The following FAT3 variants were observed in gnomAD, a reference collection of about 807,000 sequenced individuals.
FAT3 encodes the protein protocadherin Fat 3.
FAT3 carries 95 observed loss-of-function variants against 310.2 expected under a neutral mutation model. The ratio of observed to expected loss-of-function variants is 0.31; its 90% CI spans 0.26 to 0.36. The LOEUF is 0.36. Among genes scored for constraint, FAT3 ranks in the 10% least tolerant of loss-of-function variants. FAT3 has a pLI of 1.00. For missense variants in FAT3, 5,408 were observed against 5,715.6 expected, an observed-to-expected ratio of 0.95 and a Z score of 1.74; for synonymous variants, 2,314 against 2,192.9, an observed-to-expected ratio of 1.06 and a Z score of -1.54.
chr11:92,371,144 G>T (rs910640875), intron 2 of FAT3, among the ~76,000 whole-genome samples: 2 of 152,348 alleles, frequency 1.3e-5, no homozygotes, highest in Admixed American at 1.3e-4. Context: ...CAGGCAGCAG[G>T]AGAAAGAGTT....
chr11:92,848,107 A>G (rs1948733672), intron 19 of FAT3, among the ~76,000 whole-genome samples: 1 of 152,228 alleles, frequency 6.6e-6, no homozygotes, highest in Admixed American at 6.5e-5. Context: ...GTAGTAATGT[A>G]TAGACAAATT....
At chr11:92,251,770 A>G (rs1171254265) in intron 1 of FAT3, among the ~76,000 whole-genome samples, 1 of 152,166 alleles carries the variant, frequency 6.6e-6, no homozygotes, top group Non-Finnish European at 1.5e-5. Context: ...CCAGGGGTAT[A>G]TGATGAACAA....
rs376691266 is a variant in FAT3 at position 92,274,296 on chromosome 11, G to T, written c.-18+49122G>T. On this transcript the variant is annotated intron_variant, in intron 1 of 27. Transcript: ENST00000525166. ...AACAAATAAACCCCTACTTACTACT[G>T]AAATAATACATATTGTAAACCTTCT... 3.9e-5 allele frequency among the ~76,000 whole-genome samples: 6 copies of T among 152,056 alleles called. No homozygotes were observed. In the South Asian group the frequency reaches 1.2e-3, roughly 32 times the overall value.
intron 15 of FAT3, 26 bp downstream of exon 15, chr11:92,835,110 T>G: frequency 1.3e-6 from 2 of 1,588,778 alleles, no homozygotes; most frequent in Non-Finnish European, 1.7e-6. Flanking sequence ...TGGGGATGGT[T>G]CTAGATGTTT....
intron 3 of FAT3, among the ~76,000 whole-genome samples, chr11:92,547,490 A>G (rs1336448408): frequency 1.3e-5 from 2 of 152,096 alleles, no homozygotes; most frequent in African/African-American, 4.8e-5. Context: ...AAAACTAATA[A>G]AATATGTTCT....
At chr11:92,765,544 G>A (rs565529002) in intron 6 of FAT3, among the ~76,000 whole-genome samples, 1 of 152,002 alleles carries the variant, frequency 6.6e-6, no homozygotes, top group East Asian at 1.9e-4. Flanking sequence ...ATATTCTACA[G>A]ACAGCTTGTG....
At chr11:92,746,030 C>T (rs1945655564) in intron 4 of FAT3, among the ~76,000 whole-genome samples, 1 of 152,210 alleles carries the variant, frequency 6.6e-6, no homozygotes, top group African/African-American at 2.4e-5. Flanking sequence ...TCACTGGCCC[C>T]AAGGCCTAGG....
intron 3 of FAT3, among the ~76,000 whole-genome samples, chr11:92,657,980 C>A (rs539238504): frequency 6.6e-6 from 1 of 151,940 alleles, no homozygotes; most frequent in South Asian, 2.1e-4. Flanking sequence ...TTCTACTTGC[C>A]ACATTAAAAA....
At chr11:92,525,931 T>C (rs2135366335) in intron 3 of FAT3, among the ~76,000 whole-genome samples, 1 of 152,312 alleles carries the variant, frequency 6.6e-6, no homozygotes, top group South Asian at 2.1e-4. Context: ...CTCCCATTAA[T>C]ATAATGAAAG....
chr11:92,558,325 A>G lies in FAT3; in HGVS notation c.3607+33377A>G, dbSNP rs1028414723. Among the ~76,000 whole-genome samples the G allele has an allele frequency of 3.3e-5, 5 of 151,994 alleles. No individual in the cohort carries two copies. In the South Asian group the frequency reaches 6.2e-4, roughly 19 times the overall value. On this transcript the variant is annotated intron_variant, in intron 3 of 27. Coordinates refer to ENST00000525166, the MANE Select transcript of FAT3 (RefSeq NM_001367949.2). ...AAGCTCTTGCTTAAACTAGCATTCAATTACTTTTCAAGTGGTCTCAGAAGC... is the reference window on the plus strand; with the variant it reads ...AAGCTCTTGCTTAAACTAGCATTCAGTTACTTTTCAAGTGGTCTCAGAAGC...
At chr11:92,688,815 T>G (rs977643066) in intron 3 of FAT3, among the ~76,000 whole-genome samples, 3 of 152,166 alleles carry the variant, frequency 2.0e-5, no homozygotes, top group African/African-American at 7.2e-5. Context: ...CTCAAAAAAA[T>G]GTAACCATGC....
chr11:92,377,348 T>C (rs1255885847), intron 2 of FAT3, among the ~76,000 whole-genome samples: 1 of 152,212 alleles, frequency 6.6e-6, no homozygotes, highest in African/African-American at 2.4e-5. Context: ...TTCTTAAAAA[T>C]AGAGCTGTGC....
chr11:92,303,330 A>C (rs1004747292), intron 1 of FAT3, among the ~76,000 whole-genome samples: 2 of 152,016 alleles, frequency 1.3e-5, no homozygotes, highest in African/African-American at 4.8e-5. Context: ...TTTCCCCTCT[A>C]TTGCACATGA....
chr11:92,845,381 G>A (rs1400174779), intron 19 of FAT3, among the ~76,000 whole-genome samples: 1 of 152,180 alleles, frequency 6.6e-6, no homozygotes, highest in African/African-American at 2.4e-5. Flanking sequence ...CAGGCCAGAG[G>A]CAGGGAAACA....
At chr11:92,859,989 T>C (rs992153381) in intron 21 of FAT3, among the ~76,000 whole-genome samples, 6 of 152,052 alleles carry the variant, frequency 3.9e-5, no homozygotes, top group African/African-American at 1.4e-4. Flanking sequence ...TCACATGAGG[T>C]CAGGAGTTCG....
At chr11:92,593,188 T>G (rs1939528186) in intron 3 of FAT3, among the ~76,000 whole-genome samples, 1 of 62,990 alleles carries the variant, frequency 1.6e-5, no homozygotes, top group African/African-American at 7.9e-5. Flanking sequence ...CATACCACAT[T>G]TTTTTTTATC....
At chr11:92,505,732 T>C (rs1024195311) in intron 2 of FAT3, among the ~76,000 whole-genome samples, 2 of 152,150 alleles carry the variant, frequency 1.3e-5, no homozygotes, top group African/African-American at 4.8e-5. Context: ...ACATTGTTAA[T>C]AGATGTGATA....
chr11:92,556,375 C>G (rs1428689184), intron 3 of FAT3, among the ~76,000 whole-genome samples: 1 of 152,158 alleles, frequency 6.6e-6, no homozygotes, highest in East Asian at 1.9e-4. Context: ...TGTCTCAGTG[C>G]CTACAATGCC....
intron 4 of FAT3, among the ~76,000 whole-genome samples, chr11:92,760,892 A>C (rs1413784406): frequency 6.6e-6 from 1 of 152,236 alleles, no homozygotes; most frequent in Non-Finnish European, 1.5e-5. Context: ...TCACAGGCAC[A>C]CATGAGAACA....
Sources: allele counts gnomAD v4.1 joint callset (sites outside exome capture counted in the v4.1 genomes callset), GRCh38; gene constraint gnomAD v4.1.1; transcripts MANE v1.5; gene names NCBI Gene and HGNC (gene_info 2026-07-23, HGNC 2026-07-21).